CIT: variants seen among roughly 807,000 people sequenced by gnomAD.
CIT encodes the protein citron rho-interacting serine/threonine kinase.
A neutral mutation model predicts 272.7 loss-of-function variants in CIT; 79 were observed. That is an observed-to-expected ratio of 0.29 (90% CI 0.24 to 0.35). CIT has a LOEUF of 0.35. CIT is among the 10% of genes least tolerant of loss of function. The pLI is 1.00. For missense variants in CIT, 1,909 were observed against 2,618.3 expected (o/e 0.73, Z 5.91); for synonymous variants, 948 against 995.6 (o/e 0.95, Z 0.90).
In CIT at chr12:119,768,291, C is replaced by A. The variant is rs1230837440; in HGVS notation, c.2209-1109G>T. On this transcript the variant is annotated intron_variant, in intron 18 of 47. Coordinates refer to ENST00000392521, the MANE Select transcript of CIT (RefSeq NM_001206999.2). This position sits in a 1 kb window ranked among gnomAD's most constrained non-coding sequence, Gnocchi z 4.3. Reference sequence around the variant, plus strand: ...GCCAATGTTTTATAAACTGACCTTACAAAAGGCAGCATTCAATTCACTAAA... The same window carrying A: ...GCCAATGTTTTATAAACTGACCTTAAAAAAGGCAGCATTCAATTCACTAAA... Among the ~76,000 whole-genome samples the A allele has an allele frequency of 6.6e-6, 1 of 152,192 alleles. No individual in the cohort carries two copies. Among genetic ancestry groups the A allele is most frequent in the East Asian group, 1.9e-4 (1 of 5,204 alleles).
At position 119,869,195 on chromosome 12, in the gene CIT, G is replaced by A. The variant is rs1339383926; in HGVS notation, c.103C>T (p.Pro35Ser). The change falls in exon 3 of 48, where the codon CCA becomes TCA. Residue 35 changes from proline to serine, a missense_variant. This residue lies in a region of CIT where 529 missense variants were observed against 549.6 expected (regional missense o/e 0.96). Transcript: ENST00000392521. ...ATCTGCTGTTGAGTCATAAAGGGTG[G>A]TTTCCCCTAAAAACAGCAAACAGCA... The part of the protein sequence containing the change: ...SRLNLFFQGK[P>S]PFMTQQQMSP... 1.3e-6 allele frequency: 2 copies of A among 1,597,050 alleles called. No homozygotes were observed. The highest frequency in any genetic ancestry group is 2.2e-5 in the East Asian group (1 of 44,714).
intron 2 of CIT, among the ~76,000 whole-genome samples, chr12:119,872,726 GC>G (rs755920429): frequency 1.3e-5 from 2 of 152,276 alleles, no homozygotes; most frequent in South Asian, 4.2e-4. Context: ...GGCCTCATCT[GC>G]AAAACCCAAC....
Position 119,726,385 on chromosome 12 carries a change from A to ATTTT in CIT, c.3591+2113_3591+2116dup, listed in dbSNP as rs3999547. Among the ~76,000 whole-genome samples the ATTTT allele has an allele frequency of 4.9e-3, 500 of 101,450 alleles. 68 individuals are homozygous for ATTTT. The highest frequency in any genetic ancestry group is 7.0e-3 in the Admixed American group (63 of 9,032). 66.6% of individuals were successfully genotyped at this position (101,450 alleles called of 152,430 possible). A position where few individuals can be genotyped will look rare whatever the true frequency, so the allele number is the denominator to read the frequency against. ...AACTGCACACCACCACACTTGGCTA[A>ATTTT]TTTTTTTTTTTTTTTTTTTTTTTTT... is the stretch of plus-strand genomic sequence containing the variant. On this transcript the variant is annotated intron_variant, in intron 28 of 47. Transcript: ENST00000392521.
At chr12:119,811,606 A>G (rs1326943138) in intron 9 of CIT, among the ~76,000 whole-genome samples, 1 of 152,244 alleles carries the variant, frequency 6.6e-6, no homozygotes, top group East Asian at 1.9e-4. Context: ...TGTGAGCTCT[A>G]GCTGGCTCTC....
At chr12:119,806,137 C>A (rs77667141) in intron 9 of CIT, among the ~76,000 whole-genome samples, 30 of 62,668 alleles carry the variant, frequency 4.8e-4, no homozygotes, top group Middle Eastern at 0.019. Flanking sequence ...AACACCATCT[C>A]AAAAAAAAAA....
intron 10 of CIT, among the ~76,000 whole-genome samples, chr12:119,800,663 T>A (rs1261065150): frequency 2.0e-5 from 3 of 152,090 alleles, no homozygotes; most frequent in Non-Finnish European, 1.5e-5. Flanking sequence ...GTAATCAATG[T>A]GTGTAAATAA....
intron 2 of CIT, among the ~76,000 whole-genome samples, chr12:119,871,094 G>A (rs1015819258): frequency 1.4e-5 from 2 of 147,172 alleles, no homozygotes; most frequent in African/African-American, 2.5e-5. Context: ...ACTCCAGCCT[G>A]GGCGACAGGG....
In CIT at chr12:119,708,218, A is replaced by C. The variant is rs1956976485; in HGVS notation, c.5172T>G (p.Phe1724Leu). 6.2e-7 allele frequency: 1 copy of C among 1,604,814 alleles called. No homozygotes were observed. Among genetic ancestry groups the C allele is most frequent in the Non-Finnish European group, 8.5e-7 (1 of 1,176,128 alleles). Residue 1724 changes from phenylalanine (F) to leucine (L), a missense_variant, in exon 40 of 48, where the codon TTT (phenylalanine) becomes TTG (leucine). By Grantham distance (22) the Phe-to-Leu change is conservative. Coordinates refer to ENST00000392521, the MANE Select transcript of CIT (RefSeq NM_001206999.2). ...ACAAGTGGCAGCCCTTGACAGCTTC[A>C]AAAATGTTGGGTGAGATGTCGGGCT... ...PAQPDISPNI[F>L]EAVKGCHLFG...
intron 26 of CIT, among the ~76,000 whole-genome samples, chr12:119,732,551 CCT>C (rs1183961334): frequency 2.6e-5 from 4 of 152,092 alleles, no homozygotes; most frequent in South Asian, 2.1e-4. Context: ...CAACAAATAC[CCT>C]GAGTGGGGAA....
chr12:119,743,911 G>A (rs966560415), intron 23 of CIT, among the ~76,000 whole-genome samples: 2 of 152,280 alleles, frequency 1.3e-5, no homozygotes, highest in Middle Eastern at 3.4e-3. Context: ...CCAAGGCAGA[G>A]ACCAAGAATC....
chr12:119,737,111 TC>T (rs935086796), intron 24 of CIT, among the ~76,000 whole-genome samples: 1 of 151,954 alleles, frequency 6.6e-6, no homozygotes, highest in Non-Finnish European at 1.5e-5. Flanking sequence ...ATCAAGACCA[TC>T]CCGGCTAACA....
chr12:119,719,001 T>C (rs758640747), intron 30 of CIT, 140 bp from the exon 31 acceptor site: 1 of 823,272 alleles, frequency 1.2e-6, no homozygotes, highest in Non-Finnish European at 1.9e-6. Flanking sequence ...AAATGGCATG[T>C]GAAGGGGGGG....
rs968335588 is a variant in CIT, at chr12:119,713,954, C to A, written c.4306+243G>T. The A allele has an allele frequency of 6.5e-6, 4 of 610,796 alleles. No homozygotes were observed. The highest frequency in any genetic ancestry group is 1.1e-5 in the Non-Finnish European group (4 of 349,048). The allele number at this position is 610,796 out of a possible 1,614,324, so 37.8% of individuals were successfully genotyped here. On this transcript the variant is annotated intron_variant, in intron 33 of 47. Coordinates refer to ENST00000392521, the MANE Select transcript of CIT (RefSeq NM_001206999.2). This position sits in a 1 kb window ranked among gnomAD's most constrained non-coding sequence, Gnocchi z 5.2. Reference sequence around the variant, plus strand: ...GAAAGGTAGGGAGAGACCAGCCTGACAAAAAGGGGCTGGAAATTAGCAAAG... The same window carrying A: ...GAAAGGTAGGGAGAGACCAGCCTGAAAAAAAGGGGCTGGAAATTAGCAAAG...
rs58351302 is a variant in CIT at position 119,869,854 on chromosome 12, G to A, written c.97-653C>T. ...CTTCTTTTGAAACACTGGCACATCC[G>A]GCAACACTGCCTCGCCTTCCTGCCT... On this transcript the variant is annotated intron_variant, in intron 2 of 47. Transcript: ENST00000392521. Among the ~76,000 whole-genome samples the A allele has an allele frequency of 5.8e-3, 889 of 152,238 alleles. 9 individuals carry two copies. Among genetic ancestry groups the A allele is most frequent in the African/African-American group, 0.02 (838 of 41,532 alleles).
At chr12:119,862,808 TAAAAAAAAAAAAAAAAAAA>T (rs1157467178) in intron 3 of CIT, among the ~76,000 whole-genome samples, 8 of 10,252 alleles carry the variant, frequency 7.8e-4, no homozygotes, top group Non-Finnish European at 1.1e-3. Flanking sequence ...AGACTCTACC[TAAAAAAAAAAAAAAAAAAA>T]AAAAAAAAAA....
chr12:119,815,105 A>AACAC (rs3858712), intron 9 of CIT, among the ~76,000 whole-genome samples: 15 of 143,180 alleles, frequency 1.0e-4, no homozygotes, highest in Middle Eastern at 3.6e-3. Context: ...ACACACACAC[A>AACAC]ACACACACAC....
chr12:119,789,855 G>T (rs560162312), intron 10 of CIT, among the ~76,000 whole-genome samples: 2 of 151,214 alleles, frequency 1.3e-5, no homozygotes, highest in Admixed American at 6.6e-5. Flanking sequence ...ACAGGCGCAC[G>T]CCACCACGCC....
chr12:119,738,741 G>A (rs997328060), intron 24 of CIT, among the ~76,000 whole-genome samples: 7 of 152,110 alleles, frequency 4.6e-5, no homozygotes, highest in Non-Finnish European at 8.8e-5. Flanking sequence ...AAATTAGCTG[G>A]GCATGGTGGC....
At chr12:119,720,385 A>G (rs1462672882) in intron 30 of CIT, 93 bp downstream of exon 30, 2 of 842,270 alleles carry the variant, frequency 2.4e-6, no homozygotes, top group African/African-American at 3.6e-5. Context: ...GTTTTCTTCT[A>G]TGTTCCTATG....
Sources: gnomAD v4.1 joint callset for allele counts (sites outside exome capture counted in the v4.1 genomes callset) on GRCh38, gnomAD v4.1.1 for gene constraint, gnomAD v4.1.1 regional missense constraint, Gnocchi (gnomAD v3.1) non-coding constraint, MANE v1.5 for transcripts, NCBI Gene and HGNC (gene_info 2026-07-23, HGNC 2026-07-21) for gene names.